The following MTERF4 variants were observed in gnomAD, a reference collection of about 807,000 sequenced individuals.
MTERF4 encodes transcription termination factor 4, mitochondrial.
A neutral mutation model predicts 22.5 loss-of-function variants in MTERF4; 17 were observed. The observed-to-expected ratio is 0.75, with a 90% confidence interval of 0.52 to 1.13. The LOEUF (loss-of-function observed/expected upper bound fraction) is 1.13, where lower values mean the gene tolerates loss of function less well. Ranked by LOEUF, MTERF4 falls within the 50% of genes most tolerant of loss-of-function variation. The probability of loss-of-function intolerance (pLI) is 0.00; values close to 1 mark genes in which losing one functional copy is unlikely to be tolerated. For missense variants in MTERF4, 420 were observed against 466.8 expected, an observed-to-expected ratio of 0.90 and a Z score of 0.92; for synonymous variants, 165 against 175.3, an observed-to-expected ratio of 0.94 and a Z score of 0.47.
At chr2:241,069,653 C>T (rs963600233), downstream of MTERF4, among the ~76,000 whole-genome samples, 1 of 152,154 alleles carries the variant, frequency 6.6e-6, no homozygotes, top group African/African-American at 2.4e-5. The surrounding 1 kb of genome is among the most constrained non-coding windows in gnomAD (Gnocchi z 4.9). Context: ...AGGGAGGGCG[C>T]CAGCTGACGG....
chr2:241,063,223 T>C, the MTERF4 span, among the ~76,000 whole-genome samples: 1 of 152,132 alleles, frequency 6.6e-6, no homozygotes, highest in African/African-American at 2.4e-5. Context: ...AGGGGAGGCC[T>C]GCCCCATGAG....
downstream of MTERF4, chr2:241,088,560 A>G (rs1033067270): frequency 2.3e-5 from 15 of 640,276 alleles, no homozygotes; most frequent in Non-Finnish European, 3.9e-5. Flanking sequence ...CCGGGCAGGA[A>G]GGTTCAGAAG....
chr2:241,048,463 G>A, the MTERF4 span: 2 of 1,578,496 alleles, frequency 1.3e-6, no homozygotes, highest in Admixed American at 1.8e-5. Flanking sequence ...TGCAAGGGCT[G>A]CCGTTTTAGG....
downstream of MTERF4, among the ~76,000 whole-genome samples, chr2:241,090,959 T>A (rs2063932899): frequency 6.6e-6 from 1 of 151,850 alleles, no homozygotes; most frequent in Admixed American, 6.6e-5. Flanking sequence ...ATGCGCGCGG[T>A]CCTTCATCGT....
intron 1 of MTERF4, among the ~76,000 whole-genome samples, chr2:241,101,965 A>G (rs530871820): frequency 1.3e-5 from 2 of 152,050 alleles, no homozygotes; most frequent in Non-Finnish European, 2.9e-5. Context: ...AAGCAGTAGA[A>G]TTGCTTGAAC....
At chr2:241,081,256 T>C (rs1023139871) in intron 4 of MTERF4, among the ~76,000 whole-genome samples, 41 of 151,580 alleles carry the variant, frequency 2.7e-4, no homozygotes, top group African/African-American at 1.0e-3. Flanking sequence ...TCACATCCAT[T>C]AGAGCACCAG....
chr2:241,070,110 G>T (rs186778143), downstream of MTERF4: 2 of 1,612,826 alleles, frequency 1.2e-6, no homozygotes, highest in East Asian at 4.5e-5. Context: ...ACCTGCTGCC[G>T]GGACGGCGGT....
intron 2 of MTERF4, among the ~76,000 whole-genome samples, chr2:241,098,663 A>G (rs1559339774): frequency 6.6e-6 from 1 of 152,266 alleles, no homozygotes; most frequent in Non-Finnish European, 1.5e-5. Context: ...CTAGAATCTA[A>G]GTCTTTACAA....
chr2:241,084,035 T>C (rs2063459133), downstream of MTERF4, among the ~76,000 whole-genome samples: 1 of 152,120 alleles, frequency 6.6e-6, no homozygotes, highest in African/African-American at 2.4e-5. Context: ...AGGTTTATTG[T>C]TTAGAGGTTG....
chr2:241,053,118 C>T, the MTERF4 span: 1 of 1,588,610 alleles, frequency 6.3e-7, no homozygotes, highest in Non-Finnish European at 8.6e-7. Flanking sequence ...CAGGAAGGCA[C>T]AGGACCGTGC....
chr2:241,055,902 A>T, the MTERF4 span, among the ~76,000 whole-genome samples: 2 of 152,220 alleles, frequency 1.3e-5, no homozygotes, highest in Non-Finnish European at 2.9e-5. Flanking sequence ...AAACTGCTCT[A>T]GCCCCAACCC....
the MTERF4 span, among the ~76,000 whole-genome samples, chr2:241,057,566 C>T: frequency 6.6e-6 from 1 of 151,658 alleles, no homozygotes; most frequent in East Asian, 1.9e-4. Context: ...CTCCTGTAGT[C>T]CCAACTACTC....
At chr2:241,060,426 A>G in the MTERF4 span, among the ~76,000 whole-genome samples, 2 of 152,102 alleles carry the variant, frequency 1.3e-5, no homozygotes, top group Admixed American at 1.3e-4. Context: ...CTGGTGATCC[A>G]CCCGCCTTGG....
chr2:241,056,580 A>ATTTTTTTTTTTTTT, the MTERF4 span, among the ~76,000 whole-genome samples: 22 of 111,222 alleles, frequency 2.0e-4, no homozygotes, highest in Non-Finnish European at 3.2e-4. Context: ...AATAAGTGAA[A>ATTTTTTTTTTTTTT]TTTTTTTTTT....
At chr2:241,057,212 C>G in the MTERF4 span, among the ~76,000 whole-genome samples, 1 of 151,512 alleles carries the variant, frequency 6.6e-6, no homozygotes, top group Non-Finnish European at 1.5e-5. Context: ...AACCCCATCT[C>G]TACTAAAAAT....
At chr2:241,076,735 G>C (rs1488443140) in intron 4 of MTERF4, among the ~76,000 whole-genome samples, 1 of 151,848 alleles carries the variant, frequency 6.6e-6, no homozygotes, top group Non-Finnish European at 1.5e-5. Context: ...TTAGATCAGT[G>C]GAAAAGAACT....
chr2:241,076,391 A>C (rs2063021441), intron 4 of MTERF4, among the ~76,000 whole-genome samples: 1 of 152,214 alleles, frequency 6.6e-6, no homozygotes, highest in African/African-American at 2.4e-5. Context: ...ATAGTTTGAT[A>C]CTAGTATATA....
At chr2:241,079,180 A>T (rs1229532406) in intron 4 of MTERF4, among the ~76,000 whole-genome samples, 1 of 150,018 alleles carries the variant, frequency 6.7e-6, no homozygotes, top group Non-Finnish European at 1.5e-5. Context: ...TGGGAGGCCG[A>T]GGCAGGTGGA....
chr2:241,067,230 C>T (rs528829570), downstream of MTERF4, among the ~76,000 whole-genome samples: 900 of 152,350 alleles, frequency 5.9e-3, 1 homozygote, highest in Non-Finnish European at 0.01. Context: ...GCCCTCTGGG[C>T]TCTGCCTGGT....
Sources: allele counts gnomAD v4.1 joint callset (sites outside exome capture counted in the v4.1 genomes callset), GRCh38; gene constraint gnomAD v4.1.1; non-coding constraint Gnocchi (gnomAD v3.1); transcripts MANE v1.5; gene names NCBI Gene and HGNC (gene_info 2026-07-23, HGNC 2026-07-21).